The following HEATR5A variants were observed in gnomAD, a reference collection of about 807,000 sequenced individuals.
HEATR5A encodes HEAT repeat containing 5A.
Under a neutral mutation model 218.8 loss-of-function variants are expected in HEATR5A, and 178 were observed. The observed-to-expected ratio is 0.81, with a 90% confidence interval of 0.72 to 0.92. HEATR5A has a LOEUF of 0.92. HEATR5A is among the 40% of genes least tolerant of loss of function. HEATR5A has a pLI of 0.00. For missense variants in HEATR5A, 2,420 were observed against 2,418.9 expected (o/e 1.00, Z -0.01); for synonymous variants, 864 against 871.6 (o/e 0.99, Z 0.15).
intron 1 of HEATR5A, among the ~76,000 whole-genome samples, chr14:31,415,234 C>T (rs1251944865): frequency 6.6e-6 from 1 of 152,218 alleles, no homozygotes; most frequent in Non-Finnish European, 1.5e-5. Context: ...CACCTGAGGG[C>T]TTTCCTTGGC....
intron 11 of HEATR5A, among the ~76,000 whole-genome samples, chr14:31,378,615 G>A (rs2029872833): frequency 6.6e-6 from 1 of 151,858 alleles, no homozygotes; most frequent in Non-Finnish European, 1.5e-5. Context: ...GTGAAACCCC[G>A]TCTCTACTAA....
rs1219865783 is a variant in HEATR5A at position 31,383,619 on chromosome 14, A to T, written c.1498T>A (p.Ser500Thr). ...AAGCCAGTCACTGCTTCAGGTGAAG[A>T]CTTATGTCCAGTAAGCCGTTCAAGG... Reference protein sequence around the residue: ...RCLERLTGHKSSPEAVTGFSF... With the variant: ...RCLERLTGHKTSPEAVTGFSF... The change falls in exon 10 of 36, where the codon TCT (serine) becomes ACT (threonine). Residue 500 changes from serine (S) to threonine (T), a missense_variant. Coordinates refer to ENST00000543095, the MANE Select transcript of HEATR5A (RefSeq NM_015473.4). 1.9e-6 allele frequency: 3 copies of T among 1,613,876 alleles called. No homozygotes were observed. Among genetic ancestry groups the T allele is most frequent in the Non-Finnish European group, 2.5e-6 (3 of 1,179,880 alleles).
intron 1 of HEATR5A, among the ~76,000 whole-genome samples, chr14:31,414,859 G>A (rs974824577): frequency 6.6e-6 from 1 of 151,908 alleles, no homozygotes; most frequent in Non-Finnish European, 1.5e-5. Flanking sequence ...TTGTTTGTTT[G>A]TGACAGAGTC....
intron 35 of HEATR5A, 35 bp from the exon 36 acceptor site, chr14:31,293,647 A>G (rs765694783): frequency 6.5e-7 from 1 of 1,539,858 alleles, no homozygotes; most frequent in Non-Finnish European, 8.7e-7. Context: ...GTTCAGTGAC[A>G]TAAATGTTTC....
In HEATR5A at chr14:31,394,638, AC is replaced by A. The variant is rs1199301866; in HGVS notation, c.598-413del. The stretch of plus-strand genomic sequence containing the variant: ...AGACCATCCTGGCTAAGATGGTGGA[AC>A]CCCGTCTCTACTAAAAATACAAAAA... On this transcript the variant is annotated intron_variant, in intron 5 of 35. Transcript: ENST00000543095. Among the ~76,000 whole-genome samples, 4 of 152,030 alleles carry A rather than the reference AC, an allele frequency of 2.6e-5. No homozygotes were observed. The East Asian group carries it at 7.8e-4, about 30-fold the overall frequency.
chr14:31,345,352 T>C (rs1595120092), intron 19 of HEATR5A, 76 bp from the exon 20 acceptor site: 2 of 1,173,822 alleles, frequency 1.7e-6, no homozygotes. Context: ...CTTGTTCTTT[T>C]GTTGAAGCAA....
chr14:31,408,877 G>A (rs1362483130), intron 1 of HEATR5A, among the ~76,000 whole-genome samples: 1 of 139,370 alleles, frequency 7.2e-6, no homozygotes, highest in Non-Finnish European at 1.5e-5. Context: ...GGATCACGAG[G>A]TCAGGAGATC....
At chr14:31,325,965 A>C in intron 23 of HEATR5A, 198 bp downstream of exon 23, 1 of 595,610 alleles carries the variant, frequency 1.7e-6, no homozygotes, top group East Asian at 2.8e-5. Flanking sequence ...AGCAGGCTTA[A>C]GTATTGGATT....
At chr14:31,329,714 T>C (rs774457038) in intron 22 of HEATR5A, among the ~76,000 whole-genome samples, 19 of 152,062 alleles carry the variant, frequency 1.2e-4, no homozygotes, top group Admixed American at 3.3e-4. Flanking sequence ...GAGACCCTCT[T>C]CTTTTCTTAT....
intron 23 of HEATR5A, among the ~76,000 whole-genome samples, 173 bp from the exon 24 acceptor site, chr14:31,323,977 CA>C (rs1900185514): frequency 1.3e-5 from 2 of 152,030 alleles, no homozygotes; most frequent in South Asian, 4.1e-4. Context: ...TAACTACATA[CA>C]ACTAAACAGC....
rs528807149 is a variant in HEATR5A, at chr14:31,380,903, T to C, written c.1597-325A>G. On this transcript the variant is annotated intron_variant, in intron 10 of 35. Coordinates refer to ENST00000543095, the MANE Select transcript of HEATR5A (RefSeq NM_015473.4). The stretch of plus-strand genomic sequence containing the variant: ...TTTTAGTTTTGAGCAACTATCCTTT[T>C]AAATCCATAATTATCCAAAAAAAGT... Among the ~76,000 whole-genome samples, 7 of 152,330 alleles carry C rather than the reference T, an allele frequency of 4.6e-5. No homozygotes were observed. The East Asian group carries it at 1.3e-3, about 29-fold the overall frequency.
At chr14:31,324,643 C>CACCAGGAAAATGTAA (rs1414939385) in intron 23 of HEATR5A, among the ~76,000 whole-genome samples, 1 of 149,974 alleles carries the variant, frequency 6.7e-6, no homozygotes, top group Non-Finnish European at 1.5e-5. Context: ...ATAATTGAGA[C>CACCAGGAAAATGTAA]ACCAGGAAAA....
At chr14:31,308,097 T>C (rs1022395247) in intron 29 of HEATR5A, 77 bp from the exon 30 acceptor site, 29 of 1,350,110 alleles carry the variant, frequency 2.1e-5, no homozygotes, top group Non-Finnish European at 2.6e-5. Flanking sequence ...ATCTTATATT[T>C]TGGTAAGATA....
intron 5 of HEATR5A, among the ~76,000 whole-genome samples, 163 bp downstream of exon 5, chr14:31,395,036 T>C (rs938640276): frequency 3.3e-5 from 5 of 152,302 alleles, no homozygotes; most frequent in African/African-American, 4.8e-5. Flanking sequence ...CTTTGAACCT[T>C]GGGAAATTCA....
At position 31,315,782 on chromosome 14, in the gene HEATR5A, T is replaced by G. The variant is rs1287035212; in HGVS notation, c.4206A>C (p.Lys1402Asn). Residue 1402 changes from lysine (K) to asparagine (N), a missense_variant, in exon 27 of 36, where the codon AAA becomes AAC. Transcript: ENST00000543095. ...AAGAAATACCAACCTCTGCCCAGGC[T>G]TTAAGCACAGCTAAGATCTCCATGG... ...ASTMEILAVL[K>N]AWAEVYIIAV... The G allele has an allele frequency of 5.0e-6, 8 of 1,599,376 alleles. No individual in the cohort carries two copies. The highest frequency in any genetic ancestry group is 1.3e-5 in the African/African-American group (1 of 74,346).
intron 25 of HEATR5A, chr14:31,320,207 G>T: frequency 1.6e-6 from 1 of 631,388 alleles, no homozygotes; most frequent in Non-Finnish European, 3.0e-6. Context: ...GGACAGGCAG[G>T]TGACCCTCAC....
At chr14:31,401,173 C>T (rs2030865533) in intron 2 of HEATR5A, among the ~76,000 whole-genome samples, 1 of 152,136 alleles carries the variant, frequency 6.6e-6, no homozygotes, top group Admixed American at 6.5e-5. Context: ...TGGTTTGGCT[C>T]TGCATCCCCA....
intron 21 of HEATR5A, among the ~76,000 whole-genome samples, chr14:31,339,616 C>G (rs938389683): frequency 6.6e-6 from 1 of 151,986 alleles, no homozygotes; most frequent in African/African-American, 2.4e-5. Flanking sequence ...TAGGGTATCG[C>G]TCTGTTACCC....
At position 31,293,627 on chromosome 14, in the gene HEATR5A, AATAAT is replaced by A. The variant is rs1229036205; in HGVS notation, c.5834-20_5834-16del. On this transcript the variant is annotated splice_polypyrimidine_tract_variant and intron_variant, in intron 35 of 35. Transcript: ENST00000543095. ...CAGCTGAGCGCCTAGAAAGTAAACA[AATAAT>A]ATAAGTTCAGTGACATAAATGTTTC... is the stretch of plus-strand genomic sequence containing the variant. The A allele has an allele frequency of 4.4e-6, 7 of 1,580,428 alleles. No individual in the cohort carries two copies. The highest frequency in any genetic ancestry group is 1.7e-4 in the Middle Eastern group (1 of 5,872).
Sources: allele counts gnomAD v4.1 joint callset (sites outside exome capture counted in the v4.1 genomes callset), GRCh38; gene constraint gnomAD v4.1.1; transcripts MANE v1.5; gene names NCBI Gene and HGNC (gene_info 2026-07-23, HGNC 2026-07-21).